Variants in FARSB observed in about 807,000 individuals in gnomAD.
The protein encoded by FARSB is phenylalanyl-tRNA synthetase subunit beta, also known as phenylalanine--tRNA ligase beta subunit.
In FARSB, 40 loss-of-function variants were observed where a neutral mutation model predicts 69.6. The observed-to-expected ratio is 0.57, with a 90% confidence interval of 0.45 to 0.75. FARSB has a LOEUF of 0.75. FARSB is among the 30% of genes least tolerant of loss of function. The pLI is 0.00. For missense variants in FARSB, 632 were observed against 722.9 expected, an observed-to-expected ratio of 0.87 and a Z score of 1.44; for synonymous variants, 235 against 247.2, an observed-to-expected ratio of 0.95 and a Z score of 0.46.
chr2:222,588,895 T>TGGATAGG (rs1164355555), intron 16 of FARSB, among the ~76,000 whole-genome samples: 1 of 152,194 alleles, frequency 6.6e-6, no homozygotes, highest in Non-Finnish European at 1.5e-5. Context: ...TCCATGCTCA[T>TGGATAGG]GGATAGGAAG....
At chr2:222,599,204 A>C (rs1559196801) in intron 16 of FARSB, among the ~76,000 whole-genome samples, 1 of 152,218 alleles carries the variant, frequency 6.6e-6, no homozygotes, top group Non-Finnish European at 1.5e-5. Flanking sequence ...CAGTGAGGTA[A>C]ACGGTAGGAA....
intron 8 of FARSB, among the ~76,000 whole-genome samples, chr2:222,630,770 G>A (rs1334089735): frequency 6.6e-6 from 1 of 151,922 alleles, no homozygotes; most frequent in Non-Finnish European, 1.5e-5. Flanking sequence ...ACAGGCTTCA[G>A]GAAAGACATT....
intron 5 of FARSB, among the ~76,000 whole-genome samples, chr2:222,636,896 C>T (rs1402404601): frequency 1.3e-5 from 2 of 152,138 alleles, no homozygotes; most frequent in Non-Finnish European, 1.5e-5. Context: ...ACTCTTACTC[C>T]AGACAAAACT....
intron 5 of FARSB, among the ~76,000 whole-genome samples, chr2:222,638,620 A>G (rs1691643119): frequency 6.6e-6 from 1 of 152,210 alleles, no homozygotes; most frequent in Non-Finnish European, 1.5e-5. Flanking sequence ...ACATGGACAA[A>G]GATGTTTTTC....
intron 14 of FARSB, 46 bp from the exon 15 acceptor site, chr2:222,613,974 C>G: frequency 8.9e-7 from 1 of 1,129,092 alleles, no homozygotes; most frequent in Non-Finnish European, 1.3e-6. Context: ...AGGACCCAAA[C>G]AAAGACACTT....
intron 8 of FARSB, among the ~76,000 whole-genome samples, chr2:222,630,921 G>A (rs574286114): frequency 1.3e-5 from 2 of 152,254 alleles, no homozygotes; most frequent in East Asian, 3.9e-4. Context: ...CCTATAAGAT[G>A]TACATGAATA....
At chr2:222,623,853 T>G (rs1691202584) in intron 12 of FARSB, 123 bp from the exon 13 acceptor site, 2 of 671,144 alleles carry the variant, frequency 3.0e-6, no homozygotes, top group Admixed American at 2.8e-5. Flanking sequence ...TTAAAAACCT[T>G]TTCACCCTTA....
In FARSB at chr2:222,640,859, T is replaced by G; in HGVS notation, c.339+3A>C. 1 of 1,495,346 alleles carries G rather than the reference T, an allele frequency of 6.7e-7. No homozygotes were observed. Among genetic ancestry groups the G allele is most frequent in the Non-Finnish European group, 9.2e-7 (1 of 1,084,400 alleles). 92.6% of individuals were successfully genotyped at this position (1,495,346 alleles called of 1,614,324 possible). On this transcript the variant is annotated splice_donor_region_variant and intron_variant, in intron 4 of 16. Transcript: ENST00000281828. ...AAGAAAAATAAGAATTTGTCCTTAT[T>G]ACCTCTTCTGTGATAATCAATTTCT...
intron 14 of FARSB, among the ~76,000 whole-genome samples, chr2:222,614,756 C>G (rs1272182799): frequency 1.3e-5 from 2 of 152,100 alleles, no homozygotes; most frequent in Non-Finnish European, 2.9e-5. Context: ...GGAGAATTGC[C>G]TGAGCCCAGG....
intron 15 of FARSB, among the ~76,000 whole-genome samples, chr2:222,611,905 G>A (rs1019379382): frequency 2.6e-5 from 4 of 152,148 alleles, no homozygotes; most frequent in East Asian, 1.9e-4. Flanking sequence ...GGCCCTCAGC[G>A]AGCCCTAGCA....
chr2:222,583,925 C>T (rs1039063941), intron 16 of FARSB, among the ~76,000 whole-genome samples: 7 of 152,082 alleles, frequency 4.6e-5, no homozygotes, highest in African/African-American at 1.7e-4. Flanking sequence ...CTGAGGCCTC[C>T]CAAGCCATGC....
rs564171830 is a variant in FARSB at position 222,652,520 on chromosome 2, A to C, written c.58+3496T>G. 2.0e-5 allele frequency among the ~76,000 whole-genome samples: 3 copies of C among 152,004 alleles called. No individual in the cohort carries two copies. In the South Asian group the frequency reaches 6.2e-4, roughly 32 times the overall value. On this transcript the variant is annotated intron_variant, in intron 1 of 16. Transcript: ENST00000281828. ...ATCCTCGGCACTCTCTTACTTACCTACTCTCTCGGACCTCTCCATCTGGGG... is the reference window on the plus strand; with the variant it reads ...ATCCTCGGCACTCTCTTACTTACCTCCTCTCTCGGACCTCTCCATCTGGGG...
chr2:222,631,211 C>T (rs551966641), intron 8 of FARSB, among the ~76,000 whole-genome samples: 2 of 151,050 alleles, frequency 1.3e-5, no homozygotes, highest in Non-Finnish European at 1.5e-5. Context: ...TTAACAAGTA[C>T]ACAAAGGTAC....
At position 222,569,673 on chromosome 2, in the gene FARSB, A is replaced by T. The variant is rs1689681838; in HGVS notation, c.*2198T>A. ...AGTTCTCTTTCCTGAGGTCCTGCCG[A>T]CCACCTGCTTTTGACTTTTTTAGAC... On this transcript the variant is annotated 3_prime_UTR_variant, in exon 17 of 17. Transcript: ENST00000281828. The T allele has an allele frequency of 6.6e-6, 1 of 152,152 alleles. No homozygotes were observed. The highest frequency in any genetic ancestry group is 1.5e-5 in the Non-Finnish European group (1 of 68,018). 9.4% of individuals were successfully genotyped at this position (152,152 alleles called of 1,614,324 possible). A position where few individuals can be genotyped will look rare whatever the true frequency, so the allele number is the denominator to read the frequency against.
At position 222,624,394 on chromosome 2, in the gene FARSB, C is replaced by A; in HGVS notation, c.1048G>T (p.Glu350Ter). 6.2e-7 allele frequency: 1 copy of A among 1,611,176 alleles called. No individual in the cohort carries two copies. Residue 350 changes from glutamate (E) to a stop codon, truncating the protein, a stop_gained, in exon 12 of 17, where the codon GAA (glutamate) becomes TAA (stop). Coordinates refer to ENST00000281828, the MANE Select transcript of FARSB (RefSeq NM_005687.5). LOFTEE classifies it high-confidence loss of function. ...ATGTCAGCTCTGGTTGGAGGGATTT[C>A]AATCTCAATCTGATTCCCATCACCT... is the stretch of plus-strand genomic sequence containing the variant. Reference protein sequence around the residue: ...VIGDGNQIEIEIPPTRADIIH... With the variant: ...VIGDGNQIEI
chr2:222,648,675 T>C, intron 2 of FARSB, 65 bp downstream of exon 2: 1 of 976,166 alleles, frequency 1.0e-6, no homozygotes, highest in Non-Finnish European at 1.7e-6. Context: ...TGAAATACAG[T>C]ATAACCCTGA....
chr2:222,640,607 C>T (rs113425302), intron 4 of FARSB, among the ~76,000 whole-genome samples: 1 of 134,708 alleles, frequency 7.4e-6, no homozygotes, highest in Admixed American at 7.3e-5. Context: ...ATACAAAAAA[C>T]TAGCCGGGTG....
intron 16 of FARSB, among the ~76,000 whole-genome samples, chr2:222,575,284 G>A (rs1357621148): frequency 6.6e-6 from 1 of 152,226 alleles, no homozygotes; most frequent in Non-Finnish European, 1.5e-5. Flanking sequence ...CAAAATATGA[G>A]TCTAGGCTTG....
intron 1 of FARSB, among the ~76,000 whole-genome samples, chr2:222,654,938 C>A (rs1408281053): frequency 6.6e-6 from 1 of 152,202 alleles, no homozygotes; most frequent in Non-Finnish European, 1.5e-5. Context: ...GTGGCTCACG[C>A]CTGTAATCCC....
Sources: allele counts gnomAD v4.1 joint callset (sites outside exome capture counted in the v4.1 genomes callset), GRCh38; gene constraint gnomAD v4.1.1; transcripts MANE v1.5; gene names NCBI Gene and HGNC (gene_info 2026-07-23, HGNC 2026-07-21).